Variants in HERC3 observed in about 807,000 individuals in gnomAD.
HERC3 encodes the protein probable E3 ubiquitin-protein ligase HERC3.
A neutral mutation model predicts 129.9 loss-of-function variants in HERC3; 58 were observed. The ratio of observed to expected loss-of-function variants is 0.45; its 90% CI spans 0.36 to 0.56. The LOEUF is 0.56. HERC3 is among the 20% of genes least tolerant of loss of function. The probability of loss-of-function intolerance (pLI) is 0.00; values close to 1 mark genes in which losing one functional copy is unlikely to be tolerated. For missense variants in HERC3, 835 were observed against 1,244.2 expected (o/e 0.67, Z 4.95); for synonymous variants, 430 against 451.0 (o/e 0.95, Z 0.59).
the HERC3 span, among the ~76,000 whole-genome samples, chr4:88,566,661 T>C: frequency 6.6e-6 from 1 of 152,250 alleles, no homozygotes; most frequent in Non-Finnish European, 1.5e-5. Context: ...CCCTTTAACA[T>C]TTCTTGTAGG....
chr4:88,572,269 A>G, the HERC3 span, among the ~76,000 whole-genome samples: 1 of 152,090 alleles, frequency 6.6e-6, no homozygotes, highest in Admixed American at 6.6e-5. Flanking sequence ...AAAAAAGTGT[A>G]TTCTTTTAAT....
chr4:88,619,837 A>G (rs1243765673), intron 3 of HERC3, among the ~76,000 whole-genome samples: 1 of 152,248 alleles, frequency 6.6e-6, no homozygotes, highest in Non-Finnish European at 1.5e-5. Context: ...ATTTATGCAA[A>G]TATGTTCAGG....
chr4:88,698,824 C>T (rs1288363573), intron 23 of HERC3, among the ~76,000 whole-genome samples: 1 of 148,696 alleles, frequency 6.7e-6, no homozygotes, highest in Non-Finnish European at 1.5e-5. Context: ...TCCCCACTCA[C>T]TGCCTCCTTC....
At chr4:88,697,784 G>C in intron 23 of HERC3, 1 of 1,563,430 alleles carries the variant, frequency 6.4e-7, no homozygotes, top group Non-Finnish European at 8.7e-7. Flanking sequence ...AGGTCTAGGA[G>C]GGCTCCCGCA....
At chr4:88,609,112 C>CAAAAAA (rs35489177) in intron 3 of HERC3, among the ~76,000 whole-genome samples, 1 of 89,724 alleles carries the variant, frequency 1.1e-5, no homozygotes. Context: ...CATACAGATG[C>CAAAAAA]AAAAAAAAAA....
chr4:88,619,024 C>A (rs1440973095), intron 3 of HERC3, among the ~76,000 whole-genome samples: 2 of 152,156 alleles, frequency 1.3e-5, no homozygotes, highest in Non-Finnish European at 2.9e-5. Flanking sequence ...CATAAAATTG[C>A]ATGACAGAAA....
chr4:88,706,787 G>A lies in HERC3; in HGVS notation c.2980G>A (p.Gly994Ser). 1.2e-6 allele frequency: 2 copies of A among 1,614,062 alleles called. No homozygotes were observed. Among genetic ancestry groups the A allele is most frequent in the South Asian group, 2.2e-5 (2 of 91,080 alleles). The change falls in exon 26 of 26, where the codon GGC becomes AGC. Residue 994 changes from glycine to serine, a missense_variant. By Grantham distance (56) the Gly-to-Ser change is moderately conservative (BLOSUM62 0). Coordinates refer to ENST00000402738, the MANE Select transcript of HERC3 (RefSeq NM_014606.3). Reference sequence around the variant, plus strand: ...AGGCAGCGATCGGATTCCCATCTACGGCATGGCCAGTCTGCAGATTGTCAT... The same window carrying A: ...AGGCAGCGATCGGATTCCCATCTACAGCATGGCCAGTCTGCAGATTGTCAT... Reference protein sequence around the residue: ...LTGSDRIPIYGMASLQIVIQS... With the variant: ...LTGSDRIPIYSMASLQIVIQS...
At chr4:88,649,512 G>C (rs971341932) in intron 3 of HERC3, among the ~76,000 whole-genome samples, 2 of 152,044 alleles carry the variant, frequency 1.3e-5, no homozygotes, top group African/African-American at 2.4e-5. Flanking sequence ...TAGGCCTCTT[G>C]GATGGAACAT....
chr4:88,556,155 C>T, the HERC3 span, among the ~76,000 whole-genome samples: 1 of 152,272 alleles, frequency 6.6e-6, no homozygotes, highest in East Asian at 1.9e-4. Context: ...AAACATCTTG[C>T]ATTCTCCAAT....
chr4:88,581,330 C>T, the HERC3 span, among the ~76,000 whole-genome samples: 34 of 150,956 alleles, frequency 2.3e-4, no homozygotes, highest in East Asian at 4.7e-3. Flanking sequence ...GACGGAGTTT[C>T]GCTCTTGTTG....
intron 2 of HERC3, among the ~76,000 whole-genome samples, chr4:88,604,559 T>C (rs1421272878): frequency 6.6e-6 from 1 of 152,254 alleles, no homozygotes; most frequent in Non-Finnish European, 1.5e-5. Flanking sequence ...TTGTGGACTT[T>C]TGTGACTGGA....
chr4:88,544,632 C>A, the HERC3 span, among the ~76,000 whole-genome samples: 3 of 152,080 alleles, frequency 2.0e-5, no homozygotes, highest in Non-Finnish European at 4.4e-5. Context: ...ATGTTTATTG[C>A]GGCACTATTC....
the HERC3 span, chr4:88,528,124 C>T: frequency 4.2e-6 from 1 of 239,604 alleles, no homozygotes; most frequent in Non-Finnish European, 8.5e-6. Flanking sequence ...TTTGCACTGA[C>T]CCCAAACAGC....
At chr4:88,690,585 G>A (rs1446419765) in intron 23 of HERC3, 1 of 984,908 alleles carries the variant, frequency 1.0e-6, no homozygotes. Flanking sequence ...TGCTCTGTGA[G>A]TATGATACAG....
chr4:88,661,656 G>GT (rs966970570), intron 10 of HERC3, among the ~76,000 whole-genome samples: 6 of 152,016 alleles, frequency 3.9e-5, no homozygotes, highest in South Asian at 2.1e-4. Context: ...TGCTTATTAT[G>GT]TTTTTTTTCT....
At chr4:88,565,998 C>G in the HERC3 span, among the ~76,000 whole-genome samples, 10 of 151,312 alleles carry the variant, frequency 6.6e-5, no homozygotes, top group Non-Finnish European at 1.5e-4. Flanking sequence ...ATTTTAAGTT[C>G]AGGGGTACAA....
intron 3 of HERC3, among the ~76,000 whole-genome samples, chr4:88,647,203 A>G (rs888534472): frequency 2.6e-5 from 4 of 152,158 alleles, no homozygotes; most frequent in African/African-American, 9.7e-5. Flanking sequence ...TAAAGACAAG[A>G]TCAAGAGAGG....
intron 23 of HERC3, among the ~76,000 whole-genome samples, chr4:88,698,767 G>A (rs1188068751): frequency 6.7e-5 from 2 of 29,778 alleles, no homozygotes; most frequent in Non-Finnish European, 1.5e-4. Context: ...CCCCTCCCCC[G>A]CACTGACTTA....
chr4:88,686,862 A>T (rs1733534796), intron 22 of HERC3, 60 bp downstream of exon 22: 1 of 1,157,270 alleles, frequency 8.6e-7, no homozygotes, highest in African/African-American at 1.5e-5. Context: ...CTTTAGAGTG[A>T]TATTTAACAT....
Sources: allele counts gnomAD v4.1 joint callset (sites outside exome capture counted in the v4.1 genomes callset), GRCh38; gene constraint gnomAD v4.1.1; transcripts MANE v1.5; gene names NCBI Gene and HGNC (gene_info 2026-07-23, HGNC 2026-07-21).